Variants in KLC3 observed in about 807,000 individuals in gnomAD.
The protein encoded by KLC3 is kinesin light chain 2.
A neutral mutation model predicts 62.9 loss-of-function variants in KLC3; 72 were observed. The observed-to-expected ratio is 1.15, with a 90% CI of 0.95 to 1.39. The LOEUF (loss-of-function observed/expected upper bound fraction) is 1.39, where lower values mean the gene tolerates loss of function less well. Among genes scored for constraint, KLC3 ranks in the 40% most tolerant of loss-of-function variants. The pLI, the probability that KLC3 is intolerant of heterozygous loss-of-function variation, is 0.00. For missense variants in KLC3, 848 were observed against 691.6 expected (o/e 1.23, Z -2.54); for synonymous variants, 377 against 300.5 (o/e 1.25, Z -2.63).
At chr19:45,350,070 A>G in intron 8 of KLC3, 1 of 491,896 alleles carries the variant, frequency 2.0e-6, no homozygotes, top group Non-Finnish European at 3.6e-6. Flanking sequence ...CGAGCTCCAA[A>G]CCCACTCTGC....
intron 1 of KLC3, among the ~76,000 whole-genome samples, chr19:45,343,337 ATAT>A (rs1366968862): frequency 4.6e-5 from 7 of 151,920 alleles, no homozygotes; most frequent in African/African-American, 7.3e-5. Flanking sequence ...TTTTTAAATA[ATAT>A]TATCACTTTT....
chr19:45,350,803 C>T, intron 11 of KLC3, 56 bp downstream of exon 11: 1 of 1,268,608 alleles, frequency 7.9e-7, no homozygotes. Flanking sequence ...CCACAGCCCA[C>T]CCCACCCCCA....
intron 3 of KLC3, chr19:45,347,080 C>G (rs1040419044): frequency 2.3e-6 from 1 of 434,434 alleles, no homozygotes; most frequent in African/African-American, 2.0e-5. Flanking sequence ...CGGTGGCTCA[C>G]GCCTGTAATC....
Position 45,348,642 on chromosome 19 carries a change from A to C in KLC3, c.780-4A>C, listed in dbSNP as rs1431577439. 1 of 1,570,816 alleles carries C rather than the reference A, an allele frequency of 6.4e-7. No homozygotes were observed. The highest frequency in any genetic ancestry group is 8.6e-7 in the Non-Finnish European group (1 of 1,158,330). ...CCCCTCCATTCCTGGGGCGCCCCCC[A>C]CAGGGACCAGAACAAGTACAAAGAA... On this transcript the variant is annotated splice_polypyrimidine_tract_variant and splice_region_variant and intron_variant, in intron 5 of 12. Transcript: ENST00000391946.
rs1172447257 is a variant in KLC3, at chr19:45,348,911, TC to T, written c.961del (p.Arg321GlufsTer40). The T allele has an allele frequency of 5.1e-6, 8 of 1,579,532 alleles. No individual in the cohort carries two copies. The African/African-American group carries it at 1.1e-4, about 21-fold the overall frequency. On this transcript the variant is annotated frameshift_variant, in exon 7 of 13. Transcript: ENST00000391946. LOFTEE classifies it high-confidence loss of function. ...CCCCTGTGCCAGCGCGCTTTGGAGA[TC>T]CGAGAGAAGGTCCCATCCCCCTCAC... ...AEPLCQRALE[I>X]REKVLGADHP...
chr19:45,348,727 C>A lies in KLC3; in HGVS notation c.861C>A (p.His287Gln), dbSNP rs199909048. 1.2e-3 allele frequency: 1,834 copies of A among 1,587,388 alleles called. 3 individuals are homozygous for A. The highest frequency in any genetic ancestry group is 1.5e-3 in the Non-Finnish European group (1,758 of 1,167,192). ...GGGAGCAGACGCTGGGCCCTGAGCA[C>A]CCCGCGGTGAGTGGGGCCCCAGGGA... is the stretch of plus-strand genomic sequence containing the variant. ...QIREQTLGPE[H>Q]PAVAATLNNL... Residue 287 changes from histidine (H) to glutamine (Q), a missense_variant, in exon 6 of 13, where the codon CAC becomes CAA. His to Gln is a conservative substitution (Grantham distance 24). Transcript: ENST00000391946.
intron 8 of KLC3, chr19:45,350,081 C>T (rs1971649081): frequency 2.0e-6 from 1 of 510,836 alleles, no homozygotes; most frequent in Non-Finnish European, 3.5e-6. Context: ...CCCACTCTGC[C>T]CCAGGGCAAG....
At chr19:45,346,281 G>C (rs1971488590) in intron 2 of KLC3, among the ~76,000 whole-genome samples, 1 of 152,100 alleles carries the variant, frequency 6.6e-6, no homozygotes, top group African/African-American at 2.4e-5. Flanking sequence ...AGCTTTAGGG[G>C]GTCCTTGTGT....
At chr19:45,351,058 GGGT>G in intron 12 of KLC3, 41 bp downstream of exon 12, 1 of 1,613,984 alleles carries the variant, frequency 6.2e-7, no homozygotes, top group Non-Finnish European at 8.5e-7. Flanking sequence ...GAGGCCATGT[GGGT>G]AGGTGCAGAG....
rs565225181 is a variant in KLC3, at chr19:45,350,629, G to A, written c.1273-12G>A. On this transcript the variant is annotated splice_polypyrimidine_tract_variant and intron_variant, in intron 10 of 12. Transcript: ENST00000391946. ...CCTGGGGGACTGAGCAGCATCCCCG[G>A]CCCCTCCCCAGGCCCTTCGCCGCAG... The A allele has an allele frequency of 1.1e-5, 17 of 1,613,134 alleles. No individual in the cohort carries two copies. The East Asian group carries it at 3.3e-4, about 32-fold the overall frequency.
chr19:45,343,796 G>A (rs1260761093), intron 1 of KLC3, among the ~76,000 whole-genome samples: 1 of 152,080 alleles, frequency 6.6e-6, no homozygotes, highest in Non-Finnish European at 1.5e-5. Flanking sequence ...TTTAATAGGA[G>A]AAAGTGAGTG....
rs368601661 is a variant in KLC3, at chr19:45,351,399, G to A, written c.*42G>A. ...CTGGCCGCAGCTTCTTGGGAACAGTGCAGGAGGGATGGGCTGGTGGGGTGA... is the reference window on the plus strand; with the variant it reads ...CTGGCCGCAGCTTCTTGGGAACAGTACAGGAGGGATGGGCTGGTGGGGTGA... On this transcript the variant is annotated 3_prime_UTR_variant, in exon 13 of 13. Transcript: ENST00000391946. 2.7e-5 allele frequency: 43 copies of A among 1,602,960 alleles called. No individual in the cohort carries two copies. The African/African-American group carries it at 4.0e-4, about 15-fold the overall frequency.
intron 1 of KLC3, among the ~76,000 whole-genome samples, chr19:45,343,189 G>A (rs1026486552): frequency 6.6e-6 from 1 of 152,140 alleles, no homozygotes; most frequent in Admixed American, 6.6e-5. Flanking sequence ...ATTGTGGGGA[G>A]TTGGCTGCTT....
intron 11 of KLC3, 57 bp from the exon 12 acceptor site, chr19:45,350,897 C>T (rs1047407328): frequency 1.6e-5 from 26 of 1,584,712 alleles, no homozygotes; most frequent in East Asian, 4.5e-5. Flanking sequence ...AAAGGTCCCT[C>T]GTGGAGGGGG....
intron 1 of KLC3, among the ~76,000 whole-genome samples, chr19:45,343,520 A>T (rs576955744): frequency 6.6e-6 from 1 of 152,016 alleles, no homozygotes; most frequent in Non-Finnish European, 1.5e-5. Context: ...TTTTTAGTAG[A>T]GCCGGGGTTT....
Position 45,351,469 on chromosome 19 carries a change from T to G in KLC3, c.*112T>G. On this transcript the variant is annotated 3_prime_UTR_variant, in exon 13 of 13. Coordinates refer to ENST00000391946, the MANE Select transcript of KLC3 (RefSeq NM_177417.3). ...TGGCCCCCCCTTGCCTCTGGGTACC[T>G]GGTGGATAGCTGCCTTCTCCTGCGA... is the stretch of plus-strand genomic sequence containing the variant. The G allele has an allele frequency of 6.3e-7, 1 of 1,584,970 alleles. No homozygotes were observed. The highest frequency in any genetic ancestry group is 8.5e-7 in the Non-Finnish European group (1 of 1,169,686).
chr19:45,346,546 G>A lies in KLC3; in HGVS notation c.261G>A (p.Val87=). Residue 87 remains valine, a splice_region_variant and synonymous_variant, in exon 3 of 13, where the codon GTG becomes GTA. Transcript: ENST00000391946. ...CTTGGGACCCCCACCCCGGGCAGGTGCTGCTGGCCCTGTCGGCACATGTGG... is the reference window on the plus strand; with the variant it reads ...CTTGGGACCCCCACCCCGGGCAGGTACTGCTGGCCCTGTCGGCACATGTGG... The part of the protein sequence containing the change: ...AIELGLGEAQ[V]LLALSAHVGA... 6.5e-7 allele frequency: 1 copy of A among 1,528,574 alleles called. No homozygotes were observed. Among genetic ancestry groups the A allele is most frequent in the East Asian group, 2.5e-5 (1 of 40,524 alleles). 94.7% of individuals were successfully genotyped at this position (1,528,574 alleles called of 1,614,324 possible). A position where few individuals can be genotyped will look rare whatever the true frequency, so the allele number is the denominator to read the frequency against.
intron 2 of KLC3, among the ~76,000 whole-genome samples, chr19:45,346,192 C>G (rs1363356901): frequency 6.6e-6 from 1 of 151,976 alleles, no homozygotes; most frequent in Non-Finnish European, 1.5e-5. Flanking sequence ...GGCAGAGAGG[C>G]ACATCCGGGG....
At position 45,350,412 on chromosome 19, in the gene KLC3, G is replaced by C. The variant is rs948252684; in HGVS notation, c.1215G>C (p.Glu405Asp). The C allele has an allele frequency of 1.2e-6, 2 of 1,613,754 alleles. No homozygotes were observed. Among genetic ancestry groups the C allele is most frequent in the Non-Finnish European group, 1.7e-6 (2 of 1,179,934 alleles). ...TGTACAAAGAAATCCTCCACAAGGAGGACCTACCCGCCCCTCTCGGTGAGC... is the reference window on the plus strand; with the variant it reads ...TGTACAAAGAAATCCTCCACAAGGACGACCTACCCGCCCCTCTCGGTGAGC... Reference protein sequence around the residue: ...EELYKEILHKEDLPAPLGAPN... With the variant: ...EELYKEILHKDDLPAPLGAPN... Residue 405 changes from glutamate to aspartate, a missense_variant, in exon 9 of 13, where the codon GAG becomes GAC. Coordinates refer to ENST00000391946, the MANE Select transcript of KLC3 (RefSeq NM_177417.3).
Sources: allele counts gnomAD v4.1 joint callset (sites outside exome capture counted in the v4.1 genomes callset), GRCh38; gene constraint gnomAD v4.1.1; transcripts MANE v1.5; gene names NCBI Gene and HGNC (gene_info 2026-07-23, HGNC 2026-07-21).